The following SLC35F3 variants were observed in gnomAD, a reference collection of about 807,000 sequenced individuals.
The protein encoded by SLC35F3 is solute carrier family 35 member F3.
Under a neutral mutation model 49.9 loss-of-function variants are expected in SLC35F3, and 25 were observed. The observed-to-expected ratio is 0.50, with a 90% CI of 0.37 to 0.70. The LOEUF (loss-of-function observed/expected upper bound fraction) is 0.70. Among genes scored for constraint, SLC35F3 ranks in the 30% least tolerant of loss-of-function variants. The probability of loss-of-function intolerance (pLI) is 0.00; values close to 1 mark genes in which losing one functional copy is unlikely to be tolerated. For missense variants in SLC35F3, 525 were observed against 639.8 expected (o/e 0.82, Z 1.94); for synonymous variants, 275 against 265.4 (o/e 1.04, Z -0.35).
chr1:233,938,680 GGA>G (rs1662372713), intron 2 of SLC35F3, among the ~76,000 whole-genome samples: 3 of 151,348 alleles, frequency 2.0e-5, no homozygotes, highest in Non-Finnish European at 2.9e-5. Context: ...GTGGGTGGAT[GGA>G]TGGATGGATG....
intron 2 of SLC35F3, among the ~76,000 whole-genome samples, chr1:234,220,959 T>C (rs531087459): frequency 1.3e-5 from 2 of 152,042 alleles, no homozygotes; most frequent in East Asian, 3.9e-4. Flanking sequence ...TCAGGTGATA[T>C]GGAAATAAAT....
intron 2 of SLC35F3, among the ~76,000 whole-genome samples, chr1:234,135,164 G>T (rs1397192459): frequency 6.6e-6 from 1 of 152,184 alleles, no homozygotes; most frequent in Non-Finnish European, 1.5e-5. Flanking sequence ...ATACAGATAG[G>T]TGGAAAGGCT....
intron 2 of SLC35F3, among the ~76,000 whole-genome samples, chr1:234,185,994 T>C (rs921857726): frequency 3.3e-5 from 5 of 152,172 alleles, no homozygotes; most frequent in African/African-American, 1.2e-4. Context: ...CTGACTGCCA[T>C]AGGCTGAGTG....
At chr1:234,042,502 T>C (rs1284537669) in intron 2 of SLC35F3, among the ~76,000 whole-genome samples, 1 of 152,120 alleles carries the variant, frequency 6.6e-6, no homozygotes, top group Non-Finnish European at 1.5e-5. Context: ...ATAATCAATA[T>C]CTTCCCCAAG....
chr1:234,167,923 A>G (rs1424468257), intron 2 of SLC35F3, among the ~76,000 whole-genome samples: 1 of 152,130 alleles, frequency 6.6e-6, no homozygotes, highest in Non-Finnish European at 1.5e-5. Flanking sequence ...AATAAGCGAG[A>G]TTGTGAATCT....
At chr1:234,053,462 G>A (rs1664408363) in intron 2 of SLC35F3, among the ~76,000 whole-genome samples, 2 of 152,112 alleles carry the variant, frequency 1.3e-5, no homozygotes, top group Admixed American at 1.3e-4. Context: ...TGCAACCCCT[G>A]CTTTTTTTGT....
intron 2 of SLC35F3, among the ~76,000 whole-genome samples, chr1:233,924,011 A>G (rs960117141): frequency 6.6e-6 from 1 of 152,158 alleles, no homozygotes; most frequent in Non-Finnish European, 1.5e-5. Context: ...ATCGTGGTGG[A>G]TAAGCTTTTT....
intron 3 of SLC35F3, among the ~76,000 whole-genome samples, chr1:234,286,373 T>C (rs1400885701): frequency 6.6e-6 from 1 of 151,068 alleles, no homozygotes; most frequent in Non-Finnish European, 1.5e-5. Context: ...ATCTATAAGA[T>C]ACAGGAACAG....
intron 2 of SLC35F3, among the ~76,000 whole-genome samples, chr1:234,204,572 A>G (rs1558259431): frequency 6.6e-6 from 1 of 152,192 alleles, no homozygotes; most frequent in Admixed American, 6.5e-5. Flanking sequence ...CTAAGGAGCT[A>G]TCTGTTAGAA....
intron 2 of SLC35F3, among the ~76,000 whole-genome samples, chr1:234,178,358 T>A (rs1164103813): frequency 6.6e-6 from 1 of 151,972 alleles, no homozygotes; most frequent in Non-Finnish European, 1.5e-5. Flanking sequence ...GCACACTACA[T>A]ATATTTATCT....
chr1:233,993,379 G>T (rs1268331188), intron 2 of SLC35F3, among the ~76,000 whole-genome samples: 1 of 152,210 alleles, frequency 6.6e-6, no homozygotes, highest in Non-Finnish European at 1.5e-5. Context: ...TGAATGGGAA[G>T]ATCTAACTTC....
chr1:233,914,781 C>G (rs1179387790), intron 2 of SLC35F3, among the ~76,000 whole-genome samples: 1 of 151,804 alleles, frequency 6.6e-6, no homozygotes, highest in Non-Finnish European at 1.5e-5. Context: ...TACATGATGT[C>G]TTTTGGTTCA....
chr1:234,242,928 CAGAAG>C (rs1667576204), intron 3 of SLC35F3, among the ~76,000 whole-genome samples: 1 of 152,106 alleles, frequency 6.6e-6, no homozygotes, highest in African/African-American at 2.4e-5. Context: ...CAGGGAAAAA[CAGAAG>C]AGAACTTTGT....
intron 2 of SLC35F3, among the ~76,000 whole-genome samples, chr1:234,078,555 T>C (rs959154712): frequency 6.6e-6 from 1 of 152,226 alleles, no homozygotes; most frequent in South Asian, 2.1e-4. Context: ...GTTTCTCTCC[T>C]TCCACAAGTC....
At chr1:233,938,520 G>A (rs1228152281) in intron 2 of SLC35F3, among the ~76,000 whole-genome samples, 1 of 152,166 alleles carries the variant, frequency 6.6e-6, no homozygotes, top group African/African-American at 2.4e-5. Flanking sequence ...TCAAAGGGAT[G>A]GATGCTAGAG....
chr1:233,920,932 A>G (rs1436967323), intron 2 of SLC35F3, among the ~76,000 whole-genome samples: 1 of 152,246 alleles, frequency 6.6e-6, no homozygotes, highest in Non-Finnish European at 1.5e-5. Flanking sequence ...GAGCTCCTGG[A>G]TGGAACAGCC....
intron 2 of SLC35F3, among the ~76,000 whole-genome samples, chr1:234,058,986 A>C (rs1239775205): frequency 6.6e-6 from 1 of 152,126 alleles, no homozygotes; most frequent in South Asian, 2.1e-4. Flanking sequence ...TTCCCTTATG[A>C]TACTTTATAT....
intron 2 of SLC35F3, among the ~76,000 whole-genome samples, chr1:233,911,897 C>T (rs6689738): frequency 6.6e-6 from 1 of 151,994 alleles, no homozygotes; most frequent in Non-Finnish European, 1.5e-5. Context: ...CTTCAGAAGT[C>T]CCTCCTGGAT....
At chr1:234,283,703 C>T (rs1668365747) in intron 3 of SLC35F3, among the ~76,000 whole-genome samples, 1 of 152,144 alleles carries the variant, frequency 6.6e-6, no homozygotes, top group Non-Finnish European at 1.5e-5. Context: ...ACCATCACAG[C>T]TCTTATCACC....
Sources: gnomAD v4.1 joint callset for allele counts (sites outside exome capture counted in the v4.1 genomes callset) on GRCh38, gnomAD v4.1.1 for gene constraint, MANE v1.5 for transcripts, NCBI Gene and HGNC (gene_info 2026-07-23, HGNC 2026-07-21) for gene names.